HSPA4L: variants seen among roughly 807,000 people sequenced by gnomAD.
HSPA4L encodes the protein heat shock protein family A (Hsp70) member 4 like.
A neutral mutation model predicts 100.3 loss-of-function variants in HSPA4L; 48 were observed. The ratio of observed to expected loss-of-function variants is 0.48; its 90% CI spans 0.38 to 0.61. The LOEUF is 0.61. HSPA4L is among the 20% of genes least tolerant of loss of function. The probability of loss-of-function intolerance (pLI) is 0.00; values close to 1 mark genes in which losing one functional copy is unlikely to be tolerated. For synonymous variants in HSPA4L, 319 were observed against 328.2 expected, an observed-to-expected ratio of 0.97 and a Z score of 0.30; for missense variants, 886 against 988.6, an observed-to-expected ratio of 0.90 and a Z score of 1.39.
At chr4:127,815,992 G>T (rs1272422143) in intron 12 of HSPA4L, among the ~76,000 whole-genome samples, 2 of 152,150 alleles carry the variant, frequency 1.3e-5, no homozygotes, top group Non-Finnish European at 2.9e-5. Flanking sequence ...TTTCGTTGTT[G>T]TAACAAATAG....
intron 8 of HSPA4L, among the ~76,000 whole-genome samples, chr4:127,804,608 A>AAC (rs56013070): frequency 0.048 from 6,883 of 144,336 alleles, 200 homozygotes; most frequent in African/African-American, 0.089. Context: ...TCTGTCTCAA[A>AAC]ACACACACAC....
In HSPA4L at chr4:127,808,134, G is replaced by A; in HGVS notation, c.1378+5G>A. 6.3e-7 allele frequency: 1 copy of A among 1,578,350 alleles called. No homozygotes were observed. The highest frequency in any genetic ancestry group is 2.0e-5 in the Admixed American group (1 of 49,120). On this transcript the variant is annotated splice_donor_5th_base_variant and intron_variant, in intron 11 of 18. Transcript: ENST00000296464. ...CTTATCCTGATGCAAGAATTGGTAA[G>A]ATAAAAAAAAGTTCTCCATAACATT...
chr4:127,813,049 C>T, intron 12 of HSPA4L: 4 of 995,702 alleles, frequency 4.0e-6, no homozygotes, highest in South Asian at 3.8e-5. Flanking sequence ...GTGGGGCATT[C>T]CTTTTTGAAC....
chr4:127,803,745 T>C lies in HSPA4L; in HGVS notation c.780T>C (p.Ser260=). 1 of 1,613,980 alleles carries C rather than the reference T, an allele frequency of 6.2e-7. No individual in the cohort carries two copies. Among genetic ancestry groups the C allele is most frequent in the Non-Finnish European group, 8.5e-7 (1 of 1,179,968 alleles). The change falls in exon 7 of 19, where the codon TCT becomes TCC. Residue 260 remains serine (S), a synonymous_variant. Coordinates refer to ENST00000296464, the MANE Select transcript of HSPA4L (RefSeq NM_014278.4). ...ATAAGATAAATGTGAAAGAAAACTC[T>C]CGGGCCTTGTTGCGTTTATATCAGG... ...TKYKINVKEN[S]RALLRLYQEC...
At position 127,834,479 on chromosome 4, in the gene HSPA4L, G is replaced by A. The variant is rs755113454; in HGVS notation, c.*1605G>A. Reference sequence around the variant, plus strand: ...TGCATTTTGCAGGGATTTTTATTCCGTCTTTTGAGGGGAAGAATCTCTTTT... The same window carrying A: ...TGCATTTTGCAGGGATTTTTATTCCATCTTTTGAGGGGAAGAATCTCTTTT... On this transcript the variant is annotated 3_prime_UTR_variant, in exon 19 of 19. Coordinates refer to ENST00000296464, the MANE Select transcript of HSPA4L (RefSeq NM_014278.4). 4.6e-5 allele frequency: 7 copies of A among 152,144 alleles called. No homozygotes were observed. The highest frequency in any genetic ancestry group is 1.9e-4 in the East Asian group (1 of 5,180). 9.4% of individuals were successfully genotyped at this position (152,144 alleles called of 1,614,324 possible).
In HSPA4L at chr4:127,839,872, G is replaced by A. The variant is rs1482625753; in HGVS notation, c.*6998G>A. On this transcript the variant is annotated 3_prime_UTR_variant, in exon 19 of 19. Transcript: ENST00000296464. ...TTGTCCTTTAATACCATAGCAAATA[G>A]AAGCAATTTTTAATGAGGTTACTGA... 6.6e-6 allele frequency: 1 copy of A among 152,096 alleles called. No individual in the cohort carries two copies. The highest frequency in any genetic ancestry group is 1.9e-4 in the East Asian group (1 of 5,190). 9.4% of individuals were successfully genotyped at this position (152,096 alleles called of 1,614,324 possible).
intron 3 of HSPA4L, 136 bp downstream of exon 3, chr4:127,796,044 A>G: frequency 1.4e-6 from 1 of 696,468 alleles, no homozygotes; most frequent in Admixed American, 3.1e-5. Context: ...AGTTTTTGTA[A>G]TAATTTTAGT....
chr4:127,813,731 C>T (rs1733603433), intron 12 of HSPA4L, among the ~76,000 whole-genome samples: 1 of 152,200 alleles, frequency 6.6e-6, no homozygotes, highest in Non-Finnish European at 1.5e-5. Context: ...CAACCTCTGC[C>T]TCCTGGGTTC....
intron 18 of HSPA4L, among the ~76,000 whole-genome samples, 186 bp from the exon 19 acceptor site, chr4:127,832,497 G>A (rs1345456623): frequency 2.0e-5 from 3 of 152,142 alleles, no homozygotes; most frequent in Non-Finnish European, 4.4e-5. Flanking sequence ...GACTGCCACA[G>A]ACATATACTA....
At chr4:127,798,480 G>A in intron 3 of HSPA4L, 107 bp from the exon 4 acceptor site, 2 of 1,045,774 alleles carry the variant, frequency 1.9e-6, no homozygotes, top group East Asian at 4.9e-5. Context: ...CTTGAGCAAG[G>A]GTGTCTTTTT....
chr4:127,784,485 T>C (rs999339226), intron 1 of HSPA4L, among the ~76,000 whole-genome samples: 2 of 152,232 alleles, frequency 1.3e-5, no homozygotes, highest in Non-Finnish European at 2.9e-5. Context: ...AGTAATGTGA[T>C]ATTTCTGATT....
At chr4:127,832,662 T>C in intron 18 of HSPA4L, 21 bp from the exon 19 acceptor site, 1 of 1,546,052 alleles carries the variant, frequency 6.5e-7, no homozygotes, top group Admixed American at 2.0e-5. Context: ...TTTAATATAA[T>C]CAATTTCTTC....
At chr4:127,830,520 G>T in intron 17 of HSPA4L, 118 bp from the exon 18 acceptor site, 1 of 653,050 alleles carries the variant, frequency 1.5e-6, no homozygotes, top group Non-Finnish European at 2.5e-6. Context: ...TTCTTCAGAT[G>T]AGTACATTTG....
intron 1 of HSPA4L, among the ~76,000 whole-genome samples, chr4:127,787,430 A>G (rs1732750020): frequency 6.6e-6 from 1 of 152,180 alleles, no homozygotes; most frequent in Non-Finnish European, 1.5e-5. Flanking sequence ...GAATTACACA[A>G]AGTAAGTCTC....
Position 127,801,229 on chromosome 4 carries a change from C to T in HSPA4L, c.521C>T (p.Thr174Ile), listed in dbSNP as rs1165511632. 1.9e-6 allele frequency: 3 copies of T among 1,607,794 alleles called. No homozygotes were observed. The East Asian group carries it at 6.7e-5, about 36-fold the overall frequency. Residue 174 changes from threonine to isoleucine, a missense_variant, in exon 5 of 19, where the codon ACT becomes ATT. Transcript: ENST00000296464. The stretch of plus-strand genomic sequence containing the variant: ...AATTGTTTAAGGTTGATGAATGAAA[C>T]TACTGCAGGTGAGCACTTTGCAATT... ...GLNCLRLMNETTAVALAYGIY... is the reference protein window; with the variant it reads ...GLNCLRLMNEITAVALAYGIY...
intron 4 of HSPA4L, among the ~76,000 whole-genome samples, chr4:127,800,136 T>C (rs1733133903): frequency 6.6e-6 from 1 of 152,198 alleles, no homozygotes; most frequent in South Asian, 2.1e-4. Context: ...TTATACATTT[T>C]AAGACTGAGT....
chr4:127,818,844 C>A (rs1297792371), intron 13 of HSPA4L, among the ~76,000 whole-genome samples: 1 of 149,650 alleles, frequency 6.7e-6, no homozygotes, highest in Non-Finnish European at 1.5e-5. Flanking sequence ...CATGAGTGTA[C>A]CTATATAACC....
At chr4:127,782,702 T>C (rs766484511) in intron 1 of HSPA4L, 45 bp downstream of exon 1, 2 of 1,244,636 alleles carry the variant, frequency 1.6e-6, no homozygotes, top group Non-Finnish European at 2.3e-6. Context: ...AGAAACGTTT[T>C]TCTCTCCCGT....
rs1733846125 is a variant in HSPA4L, at chr4:127,822,781, A to G, written c.1825A>G (p.Met609Val). Residue 609 changes from methionine to valine, a missense_variant, in exon 15 of 19, where the codon ATG becomes GTG. Coordinates refer to ENST00000296464, the MANE Select transcript of HSPA4L (RefSeq NM_014278.4). Reference sequence around the variant, plus strand: ...GCTTTTTGAATAGGGGAAGATGATCATGCAAGATAAGTTAGAGAAAGAAAG... The same window carrying G: ...GCTTTTTGAATAGGGGAAGATGATCGTGCAAGATAAGTTAGAGAAAGAAAG... ...SYIENEGKMI[M>V]QDKLEKERND... 3.7e-6 allele frequency: 6 copies of G among 1,613,690 alleles called. No individual in the cohort carries two copies. The highest frequency in any genetic ancestry group is 5.1e-6 in the Non-Finnish European group (6 of 1,179,806).
Sources: gnomAD v4.1 joint callset for allele counts (sites outside exome capture counted in the v4.1 genomes callset) on GRCh38, gnomAD v4.1.1 for gene constraint, MANE v1.5 for transcripts, NCBI Gene and HGNC (gene_info 2026-07-23, HGNC 2026-07-21) for gene names.